Variants in PSEN1 observed in about 807,000 individuals in gnomAD.
PSEN1 encodes the protein presenilin-1.
A neutral mutation model predicts 53.5 loss-of-function variants in PSEN1; 15 were observed. The ratio of observed to expected loss-of-function variants is 0.28; its 90% CI spans 0.19 to 0.43. The LOEUF is 0.43. PSEN1 is among the 20% of genes least tolerant of loss of function. The pLI, the probability that PSEN1 is intolerant of heterozygous loss-of-function variation, is 1.00. For synonymous variants in PSEN1, 208 were observed against 209.8 expected (o/e 0.99, Z 0.08); for missense variants, 387 against 571.2 (o/e 0.68, Z 3.29).
chr14:73,211,780 G>A lies in PSEN1; in HGVS notation c.967G>A (p.Glu323Lys). Residue 323 changes from glutamate (E) to lysine (K), a missense_variant, in exon 10 of 12, where the codon GAG becomes AAG. Glu to Lys is a moderately conservative substitution (Grantham distance 56). Around this residue, in one of 4 missense-constraint regions of PSEN1, gnomAD observed 169 missense variants for 299.7 expected, o/e 0.56. Coordinates refer to ENST00000324501, the MANE Select transcript of PSEN1 (RefSeq NM_000021.4). The stretch of plus-strand genomic sequence containing the variant: ...ACTTTCTCTTGAAGGCACAGAAAGG[G>A]AGTCACAAGACACTGTTGCAGAGAA... ...SKYNAESTER[E>K]SQDTVAENDD... The A allele has an allele frequency of 1.2e-6, 2 of 1,614,002 alleles. No individual in the cohort carries two copies. Among genetic ancestry groups the A allele is most frequent in the South Asian group, 1.1e-5 (1 of 91,078 alleles).
chr14:73,203,391 G>A (rs1899311836), intron 8 of PSEN1, among the ~76,000 whole-genome samples: 1 of 151,924 alleles, frequency 6.6e-6, no homozygotes, highest in African/African-American at 2.4e-5. Context: ...CCTGGCCTTC[G>A]TTTTGTTTTT....
intron 5 of PSEN1, among the ~76,000 whole-genome samples, chr14:73,177,021 G>A (rs530216042): frequency 6.6e-6 from 1 of 151,898 alleles, no homozygotes; most frequent in Non-Finnish European, 1.5e-5. Flanking sequence ...ATTTTTTCTG[G>A]ACCTTATTGC....
At chr14:73,192,017 C>G (rs986973451) in intron 6 of PSEN1, among the ~76,000 whole-genome samples, 1 of 151,898 alleles carries the variant, frequency 6.6e-6, no homozygotes, top group African/African-American at 2.4e-5. Flanking sequence ...TTTTCCTCTT[C>G]GTACTCATTT....
chr14:73,177,156 G>C (rs1264934633), intron 5 of PSEN1, among the ~76,000 whole-genome samples: 1 of 151,986 alleles, frequency 6.6e-6, no homozygotes, highest in East Asian at 1.9e-4. Context: ...GGACTTTTTC[G>C]TCTCTCCCAT....
chr14:73,154,735 A>G (rs528847035), intron 3 of PSEN1, among the ~76,000 whole-genome samples: 1 of 152,356 alleles, frequency 6.6e-6, no homozygotes, highest in Admixed American at 6.5e-5. Flanking sequence ...AACATGAACA[A>G]CTTAACTCAG....
chr14:73,144,554 A>C (rs1041072342), intron 1 of PSEN1, among the ~76,000 whole-genome samples: 10 of 152,182 alleles, frequency 6.6e-5, no homozygotes, highest in Non-Finnish European at 1.3e-4. Context: ...GGAGTTTTAT[A>C]AAGAGGCAAT....
At chr14:73,173,955 G>T in intron 5 of PSEN1, 1 of 609,842 alleles carries the variant, frequency 1.6e-6, no homozygotes, top group Non-Finnish European at 2.9e-6. Context: ...TTCACAAGCA[G>T]CTTGGGCAAC....
At position 73,223,441 on chromosome 14, in the gene PSEN1, A is replaced by T. The variant is rs895841431; in HGVS notation, c.*4152A>T. On this transcript the variant is annotated 3_prime_UTR_variant, in exon 12 of 12. Coordinates refer to ENST00000324501, the MANE Select transcript of PSEN1 (RefSeq NM_000021.4). ...TAGGCAGTTTCAAAGTCAGCTGCATATAGTAGCAAGTACAGGACTGTCTTG... is the reference window on the plus strand; with the variant it reads ...TAGGCAGTTTCAAAGTCAGCTGCATTTAGTAGCAAGTACAGGACTGTCTTG... 1 of 152,234 alleles carries T rather than the reference A, an allele frequency of 6.6e-6. No individual in the cohort carries two copies. The highest frequency in any genetic ancestry group is 1.5e-5 in the Non-Finnish European group (1 of 68,044). 9.4% of individuals were successfully genotyped at this position (152,234 alleles called of 1,614,324 possible).
intron 5 of PSEN1, among the ~76,000 whole-genome samples, chr14:73,184,462 C>T (rs1283287585): frequency 1.7e-3 from 134 of 80,768 alleles, no homozygotes; most frequent in African/African-American, 5.2e-3. Flanking sequence ...CCAGTAGGGG[C>T]GGCCGGGCAG....
In PSEN1 at chr14:73,219,276, A is replaced by C. The variant is rs1257458181; in HGVS notation, c.1391A>C (p.Gln464Pro). The change falls in exon 12 of 12, where the codon CAA (glutamine) becomes CCA (proline). Residue 464 changes from glutamine (Q) to proline (P), a missense_variant. Gln to Pro is a moderately conservative substitution (Grantham distance 76, BLOSUM62 -1). Around this residue, in one of 4 missense-constraint regions of PSEN1, gnomAD observed 44 missense variants for 106.3 expected, o/e 0.41. Coordinates refer to ENST00000324501, the MANE Select transcript of PSEN1 (RefSeq NM_000021.4). Reference protein sequence around the residue: ...QPFMDQLAFHQFYI With the variant: ...QPFMDQLAFHPFYI ...TTTATGGACCAATTAGCATTCCATC[A>C]ATTTTATATCTAGCATATTTGCGGT... The C allele has an allele frequency of 6.2e-7, 1 of 1,613,430 alleles. No homozygotes were observed. The highest frequency in any genetic ancestry group is 1.3e-5 in the African/African-American group (1 of 74,918).
chr14:73,170,787 G>T lies in PSEN1; in HGVS notation c.88-10G>T, dbSNP rs767871228. 1.2e-6 allele frequency: 2 copies of T among 1,614,016 alleles called. No homozygotes were observed. Among genetic ancestry groups the T allele is most frequent in the Non-Finnish European group, 1.7e-6 (2 of 1,179,980 alleles). ...CTGATTTACTGAAAATGTTTTTCTT[G>T]TGCTTATAGAATGACAATAGAGAAC... On this transcript the variant is annotated splice_polypyrimidine_tract_variant and intron_variant, in intron 3 of 11. Transcript: ENST00000324501.
intron 3 of PSEN1, among the ~76,000 whole-genome samples, chr14:73,155,412 T>G (rs1363547035): frequency 5.3e-5 from 8 of 152,232 alleles, no homozygotes; most frequent in Non-Finnish European, 1.2e-4. Context: ...AGCACATACT[T>G]GTTCAATAAA....
intron 3 of PSEN1, among the ~76,000 whole-genome samples, chr14:73,157,656 C>G (rs555685027): frequency 6.6e-6 from 1 of 152,156 alleles, no homozygotes; most frequent in African/African-American, 2.4e-5. Flanking sequence ...CCCCAGGCAA[C>G]CATGTTTTGT....
intron 1 of PSEN1, among the ~76,000 whole-genome samples, chr14:73,145,004 T>C (rs1031556181): frequency 1.3e-5 from 2 of 152,200 alleles, no homozygotes; most frequent in Non-Finnish European, 2.9e-5. Context: ...GCGATTCTCC[T>C]GCCTCAGCCT....
Position 73,212,055 on chromosome 14 carries a change from T to C in PSEN1, c.1129+113T>C, listed in dbSNP as rs74061005. 2.4e-3 allele frequency: 1,547 copies of C among 634,786 alleles called. 26 individuals carry two copies. In the African/African-American group the frequency reaches 0.025, roughly 10 times the overall value. The allele number at this position is 634,786 out of a possible 1,614,324, so 39.3% of individuals were successfully genotyped here. On this transcript the variant is annotated intron_variant, in intron 10 of 11. Coordinates refer to ENST00000324501, the MANE Select transcript of PSEN1 (RefSeq NM_000021.4). ...TGTTACAGTCTAATTCTATATCACA[T>C]GTAACTTTTATTTGGATATATCAGT...
chr14:73,206,585 C>T (rs907037890), intron 9 of PSEN1, 113 bp downstream of exon 9: 4 of 756,914 alleles, frequency 5.3e-6, no homozygotes, highest in Non-Finnish European at 6.9e-6. Context: ...TTGAGAATCT[C>T]TTGAGAACTA....
intron 3 of PSEN1, among the ~76,000 whole-genome samples, chr14:73,163,056 T>C (rs1897602449): frequency 6.6e-6 from 1 of 152,232 alleles, no homozygotes; most frequent in Admixed American, 6.5e-5. Context: ...GATTATCATC[T>C]GTAGATTCTT....
chr14:73,217,390 T>C (rs1287272379), intron 11 of PSEN1, 146 bp downstream of exon 11: 1 of 875,220 alleles, frequency 1.1e-6, no homozygotes, highest in African/African-American at 1.7e-5. Context: ...GACCTCACCT[T>C]AGTAGTTCTC....
intron 7 of PSEN1, chr14:73,197,824 G>A: frequency 1.8e-6 from 1 of 568,228 alleles, no homozygotes; most frequent in South Asian, 2.0e-5. Context: ...TTTTACAGAT[G>A]TTCTGTGTCA....
Sources: allele counts gnomAD v4.1 joint callset (sites outside exome capture counted in the v4.1 genomes callset), GRCh38; gene constraint gnomAD v4.1.1; regional missense constraint gnomAD v4.1.1; transcripts MANE v1.5; gene names NCBI Gene and HGNC (gene_info 2026-07-23, HGNC 2026-07-21).